KDM2B: variants seen among roughly 807,000 people sequenced by gnomAD.
KDM2B encodes the protein lysine-specific demethylase 2B.
KDM2B carries 26 observed loss-of-function variants against 150.0 expected under a neutral mutation model. That is an observed-to-expected ratio of 0.17 (90% CI 0.13 to 0.24). KDM2B has a LOEUF of 0.24. KDM2B is among the 10% of genes least tolerant of loss of function. The probability of loss-of-function intolerance (pLI) is 1.00; values close to 1 mark genes in which losing one functional copy is unlikely to be tolerated. For missense variants in KDM2B, 1,265 were observed against 1,816.9 expected (o/e 0.70, Z 5.52); for synonymous variants, 734 against 729.5 (o/e 1.01, Z -0.10).
intron 12 of KDM2B, among the ~76,000 whole-genome samples, chr12:121,458,124 T>A (rs1878543523): frequency 6.6e-6 from 1 of 152,212 alleles, no homozygotes; most frequent in Admixed American, 6.5e-5. Flanking sequence ...GGCTCACCCC[T>A]ATAATCTCAG....
Position 121,521,000 on chromosome 12 carries a change from G to A in KDM2B, c.1032C>T (p.Ile344=), listed in dbSNP as rs372636202. 1.4e-5 allele frequency: 23 copies of A among 1,613,648 alleles called. No individual in the cohort carries two copies. The African/African-American group carries it at 2.1e-4, about 15-fold the overall frequency. Residue 344 remains isoleucine, a synonymous_variant, in exon 9 of 23, where the codon ATC becomes ATT. Transcript: ENST00000377071. This position sits in a 1 kb window ranked among gnomAD's most constrained non-coding sequence, Gnocchi z 4.5. ...ACCTCCTTACCCGCGTCCTGTCCTC[G>A]ATCTCGTAGATCCGCAGCTGCATGG... ...NVPMQLRIYE[I]EDRTRVQPKF...
chr12:121,545,302 C>T (rs1342903277), intron 6 of KDM2B, among the ~76,000 whole-genome samples: 2 of 151,930 alleles, frequency 1.3e-5, no homozygotes, highest in Non-Finnish European at 2.9e-5. Flanking sequence ...TGACGGGGTC[C>T]GTAGCTCTAT....
At chr12:121,522,988 G>A (rs1242083808) in intron 8 of KDM2B, among the ~76,000 whole-genome samples, 1 of 152,238 alleles carries the variant, frequency 6.6e-6, no homozygotes, top group Admixed American at 6.5e-5. Context: ...CTACTGCACT[G>A]CAATTCACAG....
the KDM2B span, chr12:121,417,635 G>C: frequency 6.2e-7 from 1 of 1,614,214 alleles, no homozygotes; most frequent in Non-Finnish European, 8.5e-7. The surrounding 1 kb of genome is among the most constrained non-coding windows in gnomAD (Gnocchi z 5.0). Context: ...TGCGACTGAA[G>C]GTGAAGGACC....
In KDM2B at chr12:121,533,089, T is replaced by C. The variant is rs1887799921; in HGVS notation, c.778-130A>G. On this transcript the variant is annotated intron_variant, in intron 7 of 22. Transcript: ENST00000377071. The surrounding 1 kb of genome is among the most constrained non-coding windows in gnomAD (Gnocchi z 4.1). ...GTGTGGGGTGGGGGGTGTGGAGAGA[T>C]GGCAGATCCATCCCTCTGGACTCTC... 15 of 859,368 alleles carry C rather than the reference T, an allele frequency of 1.7e-5. No homozygotes were observed. The highest frequency in any genetic ancestry group is 2.4e-5 in the Non-Finnish European group (13 of 553,088). The allele number at this position is 859,368 out of a possible 1,614,324, so 53.2% of individuals were successfully genotyped here.
intron 12 of KDM2B, among the ~76,000 whole-genome samples, chr12:121,488,484 C>G (rs1183273349): frequency 1.3e-5 from 2 of 152,202 alleles, no homozygotes; most frequent in Admixed American, 6.6e-5. Context: ...TAAACTGAGG[C>G]TGAGACTTGC....
Position 121,453,448 on chromosome 12 carries a change from G to T in KDM2B, c.1735-104C>A. 2.5e-6 allele frequency: 2 copies of T among 809,114 alleles called. No individual in the cohort carries two copies. Among genetic ancestry groups the T allele is most frequent in the Non-Finnish European group, 3.9e-6 (2 of 518,864 alleles). 50.1% of individuals were successfully genotyped at this position (809,114 alleles called of 1,614,324 possible). The stretch of plus-strand genomic sequence containing the variant: ...AAACTGTGTACCCCCAGAAAGACAC[G>T]ATGGGGGCTCTAAACCCCATTCCTC... On this transcript the variant is annotated intron_variant, in intron 12 of 22. Transcript: ENST00000377071. This position sits in a 1 kb window ranked among gnomAD's most constrained non-coding sequence, Gnocchi z 6.4.
intron 12 of KDM2B, among the ~76,000 whole-genome samples, chr12:121,483,705 CA>C (rs1882415009): frequency 8.4e-6 from 1 of 118,610 alleles, no homozygotes; most frequent in African/African-American, 4.1e-5. Context: ...ACAAAAAAAA[CA>C]AACAACAACA....
At position 121,467,173 on chromosome 12, in the gene KDM2B, T is replaced by C. The variant is rs1368985475; in HGVS notation, c.1735-13829A>G. 8 of 1,120,462 alleles carry C rather than the reference T, an allele frequency of 7.1e-6. No individual in the cohort carries two copies. The highest frequency in any genetic ancestry group is 3.8e-5 in the Admixed American group (1 of 26,462). 69.4% of individuals were successfully genotyped at this position (1,120,462 alleles called of 1,614,324 possible). ...GGCCGCCGACCTGGTCCGGCTCCGATTCATAGTCGTCGTCCTCGGCGCTCA... is the reference window on the plus strand; with the variant it reads ...GGCCGCCGACCTGGTCCGGCTCCGACTCATAGTCGTCGTCCTCGGCGCTCA... On this transcript the variant is annotated intron_variant, in intron 12 of 22. Coordinates refer to ENST00000377071, the MANE Select transcript of KDM2B (RefSeq NM_032590.5). The surrounding 1 kb of genome is among the most constrained non-coding windows in gnomAD (Gnocchi z 5.1).
intron 12 of KDM2B, among the ~76,000 whole-genome samples, chr12:121,479,823 T>A (rs75049967): frequency 0.026 from 3,989 of 152,038 alleles, 157 homozygotes; most frequent in East Asian, 0.081. Context: ...GGTTTCACCA[T>A]GTTGGCCAAG....
At chr12:121,508,568 A>G (rs968376583) in intron 11 of KDM2B, among the ~76,000 whole-genome samples, 43 of 152,252 alleles carry the variant, frequency 2.8e-4, no homozygotes, top group African/African-American at 1.0e-3. Flanking sequence ...GACATTGGAG[A>G]AGGACACCCA....
intron 12 of KDM2B, among the ~76,000 whole-genome samples, chr12:121,486,866 A>C: frequency 6.6e-6 from 1 of 152,128 alleles, no homozygotes; most frequent in East Asian, 1.9e-4. Context: ...TCAGCTACTC[A>C]GGAGGCTGAG....
rs1388162881 is a variant in KDM2B at position 121,453,101 on chromosome 12, G to A, written c.1959+19C>T. On this transcript the variant is annotated intron_variant, in intron 13 of 22. Coordinates refer to ENST00000377071, the MANE Select transcript of KDM2B (RefSeq NM_032590.5). This position sits in a 1 kb window ranked among gnomAD's most constrained non-coding sequence, Gnocchi z 6.4. ...AGGGGCCTGAATCGAGCGCAGGGCT[G>A]GGCGGGGGCCGCACTCACCGCGATG... 2 of 1,587,942 alleles carry A rather than the reference G, an allele frequency of 1.3e-6. No individual in the cohort carries two copies. Among genetic ancestry groups the A allele is most frequent in the Non-Finnish European group, 1.7e-6 (2 of 1,168,726 alleles).
At chr12:121,417,432 AAGGC>A in the KDM2B span, 1 of 1,339,258 alleles carries the variant, frequency 7.5e-7, no homozygotes, top group Non-Finnish European at 1.0e-6. This position sits in a 1 kb window ranked among gnomAD's most constrained non-coding sequence, Gnocchi z 5.0. Context: ...ATTTTAGTAG[AAGGC>A]AGAAAGAAAA....
rs1465112264 is a variant in KDM2B, at chr12:121,528,884, ACT to A, written c.931+3920_931+3921del. Among the ~76,000 whole-genome samples the A allele has an allele frequency of 5.9e-5, 9 of 152,126 alleles. No individual in the cohort carries two copies. In the South Asian group the frequency reaches 1.7e-3, roughly 28 times the overall value. ...CTCCAGCTTGGGTAACAAGAGTGAA[ACT>A]CTGTCTCAAAAAAACAAAACAAAAC... On this transcript the variant is annotated intron_variant, in intron 8 of 22. Transcript: ENST00000377071.
rs1879623869 is a variant in KDM2B at position 121,464,729 on chromosome 12, T to G, written c.1735-11385A>C. 2.0e-5 allele frequency among the ~76,000 whole-genome samples: 3 copies of G among 152,216 alleles called. No homozygotes were observed. In the South Asian group the frequency reaches 6.2e-4, roughly 32 times the overall value. ...TACTTGTTCATCCACACTCCAGGAC[T>G]TGGCAACCTCTCCTCATGAAGGATC... On this transcript the variant is annotated intron_variant, in intron 12 of 22. Transcript: ENST00000377071.
At chr12:121,489,660 G>C (rs564511887) in intron 12 of KDM2B, among the ~76,000 whole-genome samples, 24 of 151,940 alleles carry the variant, frequency 1.6e-4, no homozygotes, top group Non-Finnish European at 3.1e-4. Context: ...GGCTGGTCTC[G>C]AACTCCTGGC....
intron 4 of KDM2B, 124 bp downstream of exon 4, chr12:121,574,423 T>G (rs28461264): frequency 0.048 from 41,124 of 854,698 alleles, 2,007 homozygotes; most frequent in East Asian, 0.23. Flanking sequence ...CACCTGCTCC[T>G]GCCTTCTCCC....
Position 121,445,372 on chromosome 12 carries a change from C to T in KDM2B, c.2006G>A (p.Gly669Glu). Residue 669 changes from glycine (G) to glutamate (E), a missense_variant, in exon 14 of 23, where the codon GGG becomes GAG. Coordinates refer to ENST00000377071, the MANE Select transcript of KDM2B (RefSeq NM_032590.5). ...TAVCLVCGEA[G>E]KEDTVEEEEG... is the part of the protein sequence containing the mutation. ...CTCCTCTTCCACCGTGTCTTCCTTCCCCGCCTCGCCACACACAAGGCACAC... is the reference window on the plus strand; with the variant it reads ...CTCCTCTTCCACCGTGTCTTCCTTCTCCGCCTCGCCACACACAAGGCACAC... 6.2e-7 allele frequency: 1 copy of T among 1,610,576 alleles called. No homozygotes were observed. Among genetic ancestry groups the T allele is most frequent in the Non-Finnish European group, 8.5e-7 (1 of 1,178,040 alleles).
Sources: gnomAD v4.1 joint callset for allele counts (sites outside exome capture counted in the v4.1 genomes callset) on GRCh38, gnomAD v4.1.1 for gene constraint, Gnocchi (gnomAD v3.1) non-coding constraint, MANE v1.5 for transcripts, NCBI Gene and HGNC (gene_info 2026-07-23, HGNC 2026-07-21) for gene names.